Variants in CSMD2 observed in about 807,000 individuals in gnomAD.
CSMD2 encodes the protein CUB and Sushi multiple domains 2, also known as CUB and sushi domain-containing protein 2.
In CSMD2, 130 loss-of-function variants were observed where a neutral mutation model predicts 398.5. That is an observed-to-expected ratio of 0.33 (90% CI 0.28 to 0.38). The LOEUF is 0.38. Ranked by LOEUF, CSMD2 falls within the 10% of genes least tolerant of loss-of-function variation. The probability of loss-of-function intolerance (pLI) is 1.00; values close to 1 mark genes in which losing one functional copy is unlikely to be tolerated. For synonymous variants in CSMD2, 1,828 were observed against 1,908.5 expected, an observed-to-expected ratio of 0.96 and a Z score of 1.10; for missense variants, 3,829 against 4,764.9, an observed-to-expected ratio of 0.80 and a Z score of 5.78.
At chr1:33,967,125 G>A (rs371596625) in intron 3 of CSMD2, among the ~76,000 whole-genome samples, 9 of 152,288 alleles carry the variant, frequency 5.9e-5, no homozygotes, top group South Asian at 4.2e-4. Flanking sequence ...GTGGGGTGAG[G>A]TAGAGGAGAG....
intron 25 of CSMD2, among the ~76,000 whole-genome samples, chr1:33,674,909 A>G (rs1244463324): frequency 1.3e-5 from 2 of 152,226 alleles, no homozygotes; most frequent in East Asian, 1.9e-4. Flanking sequence ...TTTGAAACCA[A>G]TGAGAACAAA....
chr1:33,719,087 A>G (rs554765968), intron 19 of CSMD2, among the ~76,000 whole-genome samples: 82 of 146,706 alleles, frequency 5.6e-4, no homozygotes, highest in African/African-American at 1.6e-3. Flanking sequence ...GAAGAATGGG[A>G]ACTATGCCTC....
intron 3 of CSMD2, among the ~76,000 whole-genome samples, chr1:33,982,739 C>T (rs765234010): frequency 2.6e-5 from 4 of 152,160 alleles, no homozygotes; most frequent in African/African-American, 4.8e-5. Context: ...GAGATGACCG[C>T]AAGGGCATGG....
At chr1:34,165,559 C>T (rs900550859), upstream of CSMD2, among the ~76,000 whole-genome samples, 3 of 151,986 alleles carry the variant, frequency 2.0e-5, no homozygotes, top group African/African-American at 7.3e-5. Context: ...TTTATAACAT[C>T]ACCCATTAAT....
chr1:34,148,065 G>C (rs940358885), intron 1 of CSMD2, among the ~76,000 whole-genome samples: 2 of 152,186 alleles, frequency 1.3e-5, no homozygotes, highest in African/African-American at 4.8e-5. Context: ...ACAGCATTGG[G>C]TAAGATGAAC....
chr1:33,578,848 G>A (rs1049708304), intron 48 of CSMD2, among the ~76,000 whole-genome samples: 7 of 152,170 alleles, frequency 4.6e-5, no homozygotes, highest in Non-Finnish European at 1.0e-4. Flanking sequence ...ATATCCGTCT[G>A]CCGGTGAAAT....
At position 34,163,819 on chromosome 1, in the gene CSMD2, C is replaced by G. The variant is rs1261016144; in HGVS notation, c.187+1092G>C. Among the ~76,000 whole-genome samples, 2 of 152,140 alleles carry G rather than the reference C, an allele frequency of 1.3e-5. No individual in the cohort carries two copies. Among genetic ancestry groups the G allele is most frequent in the African/African-American group, 4.8e-5 (2 of 41,434 alleles). On this transcript the variant is annotated intron_variant, in intron 1 of 70. Coordinates refer to ENST00000373381, the MANE Select transcript of CSMD2 (RefSeq NM_001281956.2). The surrounding 1 kb of genome is among the most constrained non-coding windows in gnomAD (Gnocchi z 5.4). ...CATCCCGGTTTGGACCCGTCTCCAC[C>G]CGGGCACACGGAACTTTCTAGCTTG...
rs1285783949 is a variant in CSMD2 at position 33,692,930 on chromosome 1, C to A, written c.4052G>T (p.Gly1351Val). 3 of 1,609,168 alleles carry A rather than the reference C, an allele frequency of 1.9e-6. No individual in the cohort carries two copies. Among genetic ancestry groups the A allele is most frequent in the Non-Finnish European group, 2.5e-6 (3 of 1,177,886 alleles). ...TTACTTTGTCAGCCCTGACACTTAC[C>A]CAATGGTGCAGCCGGCCTCTGCTTC... Reference protein sequence around the residue: ...TIEAEAGCTIGLHFLVFDTEE... With the variant: ...TIEAEAGCTIVLHFLVFDTEE... Residue 1351 changes from glycine to valine, a missense_variant and splice_region_variant, in exon 25 of 71, where the codon GGG (glycine) becomes GTG (valine). Physicochemically the swap from Gly to Val is moderately radical, Grantham distance 109. This residue lies in a region of CSMD2 where 2,001 missense variants were observed against 2,567.1 expected (regional missense o/e 0.78). Coordinates refer to ENST00000373381, the MANE Select transcript of CSMD2 (RefSeq NM_001281956.2).
At chr1:33,714,160 T>C (rs1175984559) in intron 21 of CSMD2, among the ~76,000 whole-genome samples, 2 of 152,214 alleles carry the variant, frequency 1.3e-5, no homozygotes, top group East Asian at 1.9e-4. Flanking sequence ...AGCACCCATC[T>C]ACTCCTCCAG....
At chr1:33,905,819 A>G (rs912043251) in intron 5 of CSMD2, among the ~76,000 whole-genome samples, 1 of 152,220 alleles carries the variant, frequency 6.6e-6, no homozygotes, top group Non-Finnish European at 1.5e-5. Flanking sequence ...CATCTTGTCT[A>G]CAGAAGCATG....
chr1:33,715,910 T>G (rs1324482391), intron 20 of CSMD2, among the ~76,000 whole-genome samples: 1 of 150,132 alleles, frequency 6.7e-6, no homozygotes, highest in Non-Finnish European at 1.5e-5. Flanking sequence ...TTCAAACCTT[T>G]TTTTTTTTTC....
intron 48 of CSMD2, among the ~76,000 whole-genome samples, chr1:33,578,013 C>T (rs1185261349): frequency 6.6e-6 from 1 of 152,120 alleles, no homozygotes; most frequent in Non-Finnish European, 1.5e-5. Flanking sequence ...GCAATTTAAG[C>T]TGTATATGTA....
At chr1:33,788,472 C>T (rs1653813372) in intron 12 of CSMD2, 128 bp downstream of exon 12, 2 of 602,150 alleles carry the variant, frequency 3.3e-6, no homozygotes, top group Non-Finnish European at 5.8e-6. Flanking sequence ...CGTGCCACGG[C>T]ACTCCAGCCT....
At chr1:33,975,486 T>TACGCACACACACAC (rs1645925906) in intron 3 of CSMD2, among the ~76,000 whole-genome samples, 1 of 146,360 alleles carries the variant, frequency 6.8e-6, no homozygotes, top group Non-Finnish European at 1.5e-5. Context: ...CTCCCAAGTG[T>TACGCACACACACAC]ACACACACAC....
intron 1 of CSMD2, among the ~76,000 whole-genome samples, chr1:34,158,958 T>A (rs894767020): frequency 6.6e-6 from 1 of 152,180 alleles, no homozygotes; most frequent in Non-Finnish European, 1.5e-5. Context: ...TGGGGCTGCC[T>A]CCTACTTGAA....
chr1:33,551,993 T>C (rs1657488743), intron 55 of CSMD2, among the ~76,000 whole-genome samples: 1 of 152,126 alleles, frequency 6.6e-6, no homozygotes, highest in Non-Finnish European at 1.5e-5. Flanking sequence ...AGTGAGGCCA[T>C]CTCGGATCTT....
At chr1:33,643,950 G>A (rs1643267195) in intron 29 of CSMD2, among the ~76,000 whole-genome samples, 1 of 151,954 alleles carries the variant, frequency 6.6e-6, no homozygotes, top group Non-Finnish European at 1.5e-5. Flanking sequence ...ATGAAATAAT[G>A]AAGGATGCTT....
chr1:33,902,438 A>G (rs1642815218), intron 5 of CSMD2, among the ~76,000 whole-genome samples: 1 of 152,100 alleles, frequency 6.6e-6, no homozygotes, highest in South Asian at 2.1e-4. Context: ...GCTCTATCAC[A>G]TCATGTTTCT....
At chr1:33,864,837 G>C in intron 5 of CSMD2, 2 of 1,178,076 alleles carry the variant, frequency 1.7e-6, no homozygotes, top group South Asian at 3.1e-5. Flanking sequence ...AGCTGTGACT[G>C]ATGCTTTGTG....
Sources: allele counts gnomAD v4.1 joint callset (sites outside exome capture counted in the v4.1 genomes callset), GRCh38; gene constraint gnomAD v4.1.1; regional missense constraint gnomAD v4.1.1; non-coding constraint Gnocchi (gnomAD v3.1); transcripts MANE v1.5; gene names NCBI Gene and HGNC (gene_info 2026-07-23, HGNC 2026-07-21).